Variants in AP3D1 observed in about 807,000 individuals in gnomAD.
AP3D1 encodes AP-3 complex subunit delta-1.
AP3D1 carries 51 observed loss-of-function variants against 147.6 expected under a neutral mutation model. That is an observed-to-expected ratio of 0.35 (90% CI 0.28 to 0.44). The LOEUF is 0.44. AP3D1 is among the 20% of genes least tolerant of loss of function. The pLI is 1.00. For missense variants in AP3D1, 1,421 were observed against 1,624.2 expected, an observed-to-expected ratio of 0.87 and a Z score of 2.15; for synonymous variants, 760 against 663.0, an observed-to-expected ratio of 1.15 and a Z score of -2.25.
rs1599451882 is a variant in AP3D1 at position 2,115,610 on chromosome 19, A to G, written c.2077T>C (p.Tyr693His). Residue 693 changes from tyrosine to histidine, a missense_variant, in exon 19 of 32, where the codon TAC (tyrosine) becomes CAC (histidine). Coordinates refer to ENST00000643116, the MANE Select transcript of AP3D1 (RefSeq NM_001261826.3). ...TGCTCCACGCCCGGGGTGTCCTGGT[A>G]CCGCTGCAAAGGCAACACCCAGGCG... ...IKSSPSPQKRYQDTPGVEHIP... is the reference protein window; with the variant it reads ...IKSSPSPQKRHQDTPGVEHIP... 2 of 1,612,156 alleles carry G rather than the reference A, an allele frequency of 1.2e-6. No homozygotes were observed. Among genetic ancestry groups the G allele is most frequent in the South Asian group, 2.2e-5 (2 of 91,068 alleles).
intron 8 of AP3D1, among the ~76,000 whole-genome samples, chr19:2,128,412 C>T (rs1054872181): frequency 5.3e-5 from 8 of 152,038 alleles, no homozygotes; most frequent in African/African-American, 1.2e-4. Context: ...CCCGCTGTAC[C>T]GCACTGGGGC....
chr19:2,110,654 GCCACTGCGCTC>G, intron 27 of AP3D1, 42 bp downstream of exon 27: 1 of 1,488,870 alleles, frequency 6.7e-7, no homozygotes. Flanking sequence ...GTCACCAGCT[GCCACTGCGCTC>G]CCACAGTCCC....
chr19:2,110,993 C>T, intron 26 of AP3D1, 97 bp from the exon 27 acceptor site: 8 of 1,359,840 alleles, frequency 5.9e-6, no homozygotes, highest in Non-Finnish European at 8.1e-6. Flanking sequence ...CAGCAGGGGT[C>T]CCACAGGCAC....
intron 8 of AP3D1, among the ~76,000 whole-genome samples, chr19:2,128,284 A>G (rs1387292424): frequency 1.3e-5 from 2 of 152,052 alleles, no homozygotes; most frequent in Non-Finnish European, 2.9e-5. Flanking sequence ...CCACAAAGAA[A>G]ACCCAAACTC....
chr19:2,108,992 G>C, intron 30 of AP3D1, 94 bp downstream of exon 30: 1 of 1,562,766 alleles, frequency 6.4e-7, no homozygotes, highest in South Asian at 1.2e-5. Context: ...TGTGAGTTTG[G>C]GTGGGAGGGC....
chr19:2,154,586 G>C (rs994626980), upstream of AP3D1, among the ~76,000 whole-genome samples: 2 of 152,108 alleles, frequency 1.3e-5, no homozygotes, highest in South Asian at 2.1e-4. Flanking sequence ...CCTATTTATA[G>C]GTTCTTTAGT....
At chr19:2,115,469 G>A (rs373039470) in intron 19 of AP3D1, 51 bp from the exon 20 acceptor site, 110 of 1,608,090 alleles carry the variant, frequency 6.8e-5, no homozygotes, top group Non-Finnish European at 8.6e-5. Flanking sequence ...AGGGGCTCAC[G>A]GGGAGGGCGG....
chr19:2,122,010 G>C (rs1233746616), intron 11 of AP3D1, 131 bp from the exon 12 acceptor site: 4 of 1,049,934 alleles, frequency 3.8e-6, no homozygotes, highest in East Asian at 2.8e-5. Context: ...GGGGTGGACA[G>C]AGCAAGTATC....
chr19:2,128,400 C>T (rs2018821276), intron 8 of AP3D1, among the ~76,000 whole-genome samples: 1 of 152,102 alleles, frequency 6.6e-6, no homozygotes, highest in Non-Finnish European at 1.5e-5. Context: ...TCACGCCCAG[C>T]CCCCGCTGTA....
chr19:2,126,314 TTGTGCCC>T (rs1208814355), intron 9 of AP3D1, among the ~76,000 whole-genome samples: 3 of 150,290 alleles, frequency 2.0e-5, no homozygotes, highest in Non-Finnish European at 2.9e-5. Context: ...TCGTTGGCCC[TTGTGCCC>T]TGGCCCAGCC....
rs776800972 is a variant in AP3D1 at position 2,118,619 on chromosome 19, G to A, written c.1695C>T (p.Asp565=). ...ATCTTACCCGCTCCTGCACCTCCAG[G>A]TCTGCGCTCTGCACAAACTGGGGCA... is the stretch of plus-strand genomic sequence containing the variant. ...DRLPQFVQSA[D]LEVQERASCI... The change falls in exon 15 of 32, where the codon GAC becomes GAT. Residue 565 remains aspartate, a synonymous_variant. Transcript: ENST00000643116. The A allele has an allele frequency of 3.7e-6, 6 of 1,610,520 alleles. No individual in the cohort carries two copies. Among genetic ancestry groups the A allele is most frequent in the Non-Finnish European group, 5.1e-6 (6 of 1,179,924 alleles).
chr19:2,137,458 C>T (rs544869937), intron 3 of AP3D1, among the ~76,000 whole-genome samples: 5 of 152,036 alleles, frequency 3.3e-5, no homozygotes, highest in South Asian at 2.1e-4. Context: ...GGATTATAGC[C>T]GCGTGCGCCA....
intron 1 of AP3D1, among the ~76,000 whole-genome samples, chr19:2,163,665 C>T (rs1345383490): frequency 6.6e-6 from 1 of 152,102 alleles, no homozygotes; most frequent in East Asian, 1.9e-4. Flanking sequence ...GGATTCGAAC[C>T]CGCTATCCGA....
intron 1 of AP3D1, 59 bp downstream of exon 1, chr19:2,151,180 C>A (rs1317814429): frequency 6.5e-7 from 1 of 1,535,556 alleles, no homozygotes; most frequent in Non-Finnish European, 8.9e-7. Flanking sequence ...GTGAGCAGGG[C>A]TGGGCCCTGG....
intron 1 of AP3D1, among the ~76,000 whole-genome samples, chr19:2,160,397 C>T (rs556861452): frequency 1.6e-4 from 25 of 152,214 alleles, no homozygotes; most frequent in Admixed American, 2.6e-4. Context: ...GGAGTGGTGG[C>T]GCATGCCTGT....
chr19:2,104,484 C>T (rs1463510870), intron 31 of AP3D1, among the ~76,000 whole-genome samples: 3 of 132,922 alleles, frequency 2.3e-5, no homozygotes, highest in African/African-American at 1.0e-4. Context: ...ATGCCCAGAC[C>T]CCAACACCAA....
intron 1 of AP3D1, among the ~76,000 whole-genome samples, chr19:2,163,667 G>C (rs2019788189): frequency 6.6e-6 from 1 of 152,072 alleles, no homozygotes; most frequent in South Asian, 2.1e-4. Flanking sequence ...ATTCGAACCC[G>C]CTATCCGACG....
intron 6 of AP3D1, among the ~76,000 whole-genome samples, chr19:2,129,945 C>A (rs1321235392): frequency 6.6e-6 from 1 of 152,190 alleles, no homozygotes; most frequent in Admixed American, 6.5e-5. Flanking sequence ...CACCGACCCA[C>A]GCCTGCCACA....
rs771910445 is a variant in AP3D1 at position 2,121,003 on chromosome 19, C to T, written c.1340G>A (p.Arg447His). ...IAAQMLDVAI[R>H]VKAIRKFAVS... ...GGCGAACTTGCGGATGGCCTTCACG[C>T]GGATGGCCACGTCCAGCATTTGGGC... The change falls in exon 14 of 32, where the codon CGC (arginine) becomes CAC (histidine). Residue 447 changes from arginine (R) to histidine (H), a missense_variant. By Grantham distance (29) the Arg-to-His change is conservative (BLOSUM62 0). Coordinates refer to ENST00000643116, the MANE Select transcript of AP3D1 (RefSeq NM_001261826.3). 2 of 1,612,284 alleles carry T rather than the reference C, an allele frequency of 1.2e-6. No individual in the cohort carries two copies. Among genetic ancestry groups the T allele is most frequent in the Non-Finnish European group, 1.7e-6 (2 of 1,179,986 alleles).
Sources: allele counts gnomAD v4.1 joint callset (sites outside exome capture counted in the v4.1 genomes callset), GRCh38; gene constraint gnomAD v4.1.1; transcripts MANE v1.5; gene names NCBI Gene and HGNC (gene_info 2026-07-23, HGNC 2026-07-21).